ATAT1: variants seen among roughly 807,000 people sequenced by gnomAD.
ATAT1 encodes the protein alpha-tubulin N-acetyltransferase 1.
ATAT1 carries 42 observed loss-of-function variants against 57.2 expected under a neutral mutation model. The ratio of observed to expected loss-of-function variants is 0.73; its 90% confidence interval spans 0.57 to 0.95. The LOEUF is 0.95. ATAT1 is among the 40% of genes least tolerant of loss of function. ATAT1 has a pLI of 0.00. For synonymous variants in ATAT1, 168 were observed against 187.1 expected (o/e 0.90, Z 0.83); for missense variants, 454 against 523.7 (o/e 0.87, Z 1.30).
Position 30,640,381 on chromosome 6 carries a change from A to G in ATAT1, c.506A>G (p.Asn169Ser). ...TTTGTTTGTTTCATCTTCCAGGTGA[A>G]CAACTTTGTGATCTTTGAAGGCTTC... is the stretch of plus-strand genomic sequence containing the variant. The change falls in exon 7 of 13, where the codon AAC (asparagine) becomes AGC (serine). Residue 169 changes from asparagine (N) to serine (S), a missense_variant. Transcript: ENST00000330083. 6.2e-7 allele frequency: 1 copy of G among 1,613,042 alleles called. No homozygotes were observed. The highest frequency in any genetic ancestry group is 8.5e-7 in the Non-Finnish European group (1 of 1,180,042).
At chr6:30,636,861 G>T (rs144542251) in intron 6 of ATAT1, among the ~76,000 whole-genome samples, 5,560 of 151,928 alleles carry the variant, frequency 0.037, 193 homozygotes, top group African/African-American at 0.08. Flanking sequence ...GCCCAGGCTG[G>T]AGTGCAGTGG....
At chr6:30,644,895 G>A (rs191899447) in intron 10 of ATAT1, among the ~76,000 whole-genome samples, 93 of 152,190 alleles carry the variant, frequency 6.1e-4, no homozygotes, top group Admixed American at 5.2e-4. Flanking sequence ...GTGGGCTTCC[G>A]TATCTACTCC....
At position 30,642,833 on chromosome 6, in the gene ATAT1, G is replaced by GACCCCCCCCCC; in HGVS notation, c.754_755insACCCCCCCCCC (p.Ala252AspfsTer71). ...GGCCCCTCGCCGCGCCACACCTCCA[G>GACCCCCCCCCC]CCCACCCACCCCCCCGCTCCAGCAG... On this transcript the variant is annotated frameshift_variant, in exon 10 of 13. Transcript: ENST00000330083. LOFTEE classifies it high-confidence loss of function. 6.5e-7 allele frequency: 1 copy of GACCCCCCCCCC among 1,537,870 alleles called. No homozygotes were observed.
At chr6:30,630,637 AAAAAAG>A (rs952958434) in intron 6 of ATAT1, among the ~76,000 whole-genome samples, 1 of 151,756 alleles carries the variant, frequency 6.6e-6, no homozygotes, top group African/African-American at 2.4e-5. Flanking sequence ...ACTCCATCTC[AAAAAAG>A]AAAAAGAAAA....
chr6:30,646,789 C>A lies in ATAT1; in HGVS notation c.*146C>A. 1 of 1,258,970 alleles carries A rather than the reference C, an allele frequency of 7.9e-7. No individual in the cohort carries two copies. Among genetic ancestry groups the A allele is most frequent in the African/African-American group, 1.5e-5 (1 of 64,988 alleles). The allele number at this position is 1,258,970 out of a possible 1,614,324, so 78.0% of individuals were successfully genotyped here. ...GATTCAAGTCATTTGTATCTTTTAA[C>A]CAGACCAATAAAAGTATTTATTTTT... On this transcript the variant is annotated 3_prime_UTR_variant, in exon 13 of 13. Transcript: ENST00000330083.
In ATAT1 at chr6:30,642,324, G is replaced by C. The variant is rs1765624946; in HGVS notation, c.688+77G>C. On this transcript the variant is annotated intron_variant, in intron 9 of 12. Transcript: ENST00000330083. ...GAAGAGAATGCTCAGGGGACCCAGGGAAAGGATTCGTTCTCTCTAAAGACT... is the reference window on the plus strand; with the variant it reads ...GAAGAGAATGCTCAGGGGACCCAGGCAAAGGATTCGTTCTCTCTAAAGACT... 6 of 1,586,958 alleles carry C rather than the reference G, an allele frequency of 3.8e-6. No individual in the cohort carries two copies. The South Asian group carries it at 5.5e-5, about 15-fold the overall frequency.
intron 10 of ATAT1, 150 bp downstream of exon 10, chr6:30,643,161 C>G (rs1765894211): frequency 1.4e-6 from 2 of 1,479,864 alleles, no homozygotes; most frequent in East Asian, 4.7e-5. Flanking sequence ...AATATTTGTG[C>G]AAGTGATCTG....
intron 6 of ATAT1, among the ~76,000 whole-genome samples, chr6:30,636,802 T>G (rs1764194851): frequency 7.2e-6 from 1 of 138,766 alleles, no homozygotes; most frequent in Non-Finnish European, 1.5e-5. Flanking sequence ...AGGAGCACAG[T>G]TTTTTTTTGT....
chr6:30,630,302 CAGAG>C (rs1561896828), intron 6 of ATAT1, among the ~76,000 whole-genome samples: 1 of 151,850 alleles, frequency 6.6e-6, no homozygotes, highest in Non-Finnish European at 1.5e-5. Flanking sequence ...GCCTGGGCAA[CAGAG>C]AGAGACCCTG....
At position 30,640,592 on chromosome 6, in the gene ATAT1, C is replaced by T. The variant is rs1371122854; in HGVS notation, c.605C>T (p.Pro202Leu). 1.9e-5 allele frequency: 30 copies of T among 1,612,890 alleles called. No homozygotes were observed. Among genetic ancestry groups the T allele is most frequent in the Middle Eastern group, 1.7e-4 (1 of 6,048 alleles). ...CACTCTCGTGCTGCTGCAGTCGATCCCACGCCCGCTGGTAAAGCCTGTATT... is the reference window on the plus strand; with the variant it reads ...CACTCTCGTGCTGCTGCAGTCGATCTCACGCCCGCTGGTAAAGCCTGTATT... The change falls in exon 8 of 13, where the codon CCC becomes CTC. Residue 202 changes from proline (P) to leucine (L), a missense_variant. Transcript: ENST00000330083.
chr6:30,627,020 C>G lies in ATAT1; in HGVS notation c.-184C>G. The G allele has an allele frequency of 6.4e-7, 1 of 1,563,608 alleles. No individual in the cohort carries two copies. Among genetic ancestry groups the G allele is most frequent in the Non-Finnish European group, 8.7e-7 (1 of 1,152,284 alleles). ...GACAGCTCAAACCCACCCTCTGGCC[C>G]TTTTCTCCCGGTTCCTCTCCAAACC... On this transcript the variant is annotated 5_prime_UTR_variant, in exon 1 of 13. Coordinates refer to ENST00000330083, the MANE Select transcript of ATAT1 (RefSeq NM_001031722.4).
At position 30,642,833 on chromosome 6, in the gene ATAT1, G is replaced by GGGGGGGCCGCCCCCCCC; in HGVS notation, c.754_755insGGGGGGCCGCCCCCCCC (p.Ala252GlyfsTer73). The GGGGGGGCCGCCCCCCCC allele has an allele frequency of 6.5e-7, 1 of 1,537,876 alleles. No individual in the cohort carries two copies. The highest frequency in any genetic ancestry group is 8.7e-7 in the Non-Finnish European group (1 of 1,145,782). On this transcript the variant is annotated frameshift_variant, in exon 10 of 13. Coordinates refer to ENST00000330083, the MANE Select transcript of ATAT1 (RefSeq NM_001031722.4). LOFTEE classifies it high-confidence loss of function. ...GGCCCCTCGCCGCGCCACACCTCCAGCCCACCCACCCCCCCGCTCCAGCAG... is the reference window on the plus strand; with the variant it reads ...GGCCCCTCGCCGCGCCACACCTCCAGGGGGGGCCGCCCCCCCCCCCACCCACCCCCCCGCTCCAGCAG...
rs1765199068 is a variant in ATAT1 at position 30,640,564 on chromosome 6, C to CGACACTCTCGT, written c.579_589dup (p.Ala197AspfsTer39). The CGACACTCTCGT allele has an allele frequency of 6.2e-7, 1 of 1,612,850 alleles. No homozygotes were observed. Among genetic ancestry groups the CGACACTCTCGT allele is most frequent in the Non-Finnish European group, 8.5e-7 (1 of 1,180,028 alleles). On this transcript the variant is annotated frameshift_variant, in exon 8 of 13. Coordinates refer to ENST00000330083, the MANE Select transcript of ATAT1 (RefSeq NM_001031722.4). LOFTEE classifies it high-confidence loss of function. ...CCCTGCTCCCTCTCTGAGGGCAACT[C>CGACACTCTCGT]GACACTCTCGTGCTGCTGCAGTCGA...
chr6:30,643,492 C>T (rs553417737), intron 10 of ATAT1: 1 of 1,550,270 alleles, frequency 6.5e-7, no homozygotes, highest in East Asian at 2.4e-5. Flanking sequence ...CGCCATTTCC[C>T]ATCTCCCTTC....
chr6:30,628,237 C>A (rs1762088975), intron 5 of ATAT1, 92 bp downstream of exon 5: 2 of 1,530,618 alleles, frequency 1.3e-6, no homozygotes, highest in African/African-American at 2.7e-5. Flanking sequence ...CCCATGTTCC[C>A]ATGTCATTCT....
At chr6:30,645,834 C>A in intron 10 of ATAT1, 61 bp from the exon 11 acceptor site, 1 of 1,263,526 alleles carries the variant, frequency 7.9e-7, no homozygotes, top group Non-Finnish European at 1.1e-6. Flanking sequence ...TCTGATTCCT[C>A]CATACCCACC....
Position 30,627,840 on chromosome 6 carries a change from C to T in ATAT1, c.225-11C>T. 1.2e-6 allele frequency: 2 copies of T among 1,612,848 alleles called. No homozygotes were observed. The highest frequency in any genetic ancestry group is 1.7e-6 in the Non-Finnish European group (2 of 1,179,866). The stretch of plus-strand genomic sequence containing the variant: ...ACCACTAGCCTGTTCATTATTTTCC[C>T]CGTCCTACAGGGCTGGAAAAGGAGC... On this transcript the variant is annotated splice_polypyrimidine_tract_variant and intron_variant, in intron 3 of 12. Transcript: ENST00000330083.
Position 30,642,767 on chromosome 6 carries a change from G to A in ATAT1, c.689-1G>A. On this transcript the variant is annotated splice_acceptor_variant, in intron 9 of 12. Transcript: ENST00000330083. LOFTEE classifies it high-confidence loss of function. ...TTGCTCTTCATTCTCCCTGTCCCCA[G>A]TTCTGAAGGTAGCTGTGGAGCCTCC... 2 of 1,603,122 alleles carry A rather than the reference G, an allele frequency of 1.2e-6. No homozygotes were observed. Among genetic ancestry groups the A allele is most frequent in the Non-Finnish European group, 1.7e-6 (2 of 1,172,822 alleles).
At chr6:30,645,820 C>T (rs950387887) in intron 10 of ATAT1, 75 bp from the exon 11 acceptor site, 1 of 1,072,448 alleles carries the variant, frequency 9.3e-7, no homozygotes, top group African/African-American at 1.6e-5. Flanking sequence ...TTTTACTCCT[C>T]TCCTCTGATT....
Sources: gnomAD v4.1 joint callset for allele counts (sites outside exome capture counted in the v4.1 genomes callset) on GRCh38, gnomAD v4.1.1 for gene constraint, MANE v1.5 for transcripts, NCBI Gene and HGNC (gene_info 2026-07-23, HGNC 2026-07-21) for gene names.